ME3: variants seen among roughly 807,000 people sequenced by gnomAD.
ME3 encodes the protein malic enzyme 3.
Under a neutral mutation model 68.9 loss-of-function variants are expected in ME3, and 48 were observed. The observed-to-expected ratio is 0.70, with a 90% CI of 0.55 to 0.89. ME3 has a LOEUF of 0.89. Ranked by LOEUF, ME3 falls within the 40% of genes least tolerant of loss-of-function variation. The pLI is 0.00. For synonymous variants in ME3, 320 were observed against 318.8 expected, an observed-to-expected ratio of 1.00 and a Z score of -0.04; for missense variants, 675 against 797.4, an observed-to-expected ratio of 0.85 and a Z score of 1.85.
chr11:86,464,264 T>C (rs1430637158), intron 8 of ME3: 3 of 335,282 alleles, frequency 8.9e-6, no homozygotes, highest in East Asian at 1.7e-4. Context: ...TAAAGCATCA[T>C]CAAGGTTTCT....
At chr11:86,607,456 T>TG (rs577494057) in intron 2 of ME3, among the ~76,000 whole-genome samples, 1 of 81,180 alleles carries the variant, frequency 1.2e-5, no homozygotes, top group Non-Finnish European at 2.6e-5. Context: ...GGCATAGTTT[T>TG]TTTTTTTTTT....
intron 2 of ME3, among the ~76,000 whole-genome samples, chr11:86,595,548 C>G (rs987229721): frequency 6.6e-6 from 1 of 152,098 alleles, no homozygotes; most frequent in Admixed American, 6.5e-5. Flanking sequence ...ACAATCAGAT[C>G]GAGTAAGCGC....
chr11:86,515,277 C>T (rs1953811864), intron 4 of ME3, among the ~76,000 whole-genome samples: 2 of 152,156 alleles, frequency 1.3e-5, no homozygotes, highest in South Asian at 2.1e-4. Context: ...TTTTGAGTAT[C>T]TCTGTTCCAG....
chr11:86,636,082 G>A (rs1388250659), intron 2 of ME3, among the ~76,000 whole-genome samples: 18 of 152,320 alleles, frequency 1.2e-4, no homozygotes, highest in Middle Eastern at 3.4e-3. Context: ...GTCCTAGAAA[G>A]AAACCTGGGT....
chr11:86,577,834 T>TG (rs1347780771), intron 2 of ME3, among the ~76,000 whole-genome samples: 1 of 152,210 alleles, frequency 6.6e-6, no homozygotes, highest in Non-Finnish European at 1.5e-5. Flanking sequence ...CTAGACAGGC[T>TG]GGTTTTATTA....
At chr11:86,648,186 A>C (rs961066732) in intron 2 of ME3, among the ~76,000 whole-genome samples, 1 of 152,236 alleles carries the variant, frequency 6.6e-6, no homozygotes, top group Non-Finnish European at 1.5e-5. Flanking sequence ...CTAAGGCAGA[A>C]ATCAAGAAGT....
intron 10 of ME3, 108 bp downstream of exon 10, chr11:86,449,781 T>A: frequency 1.3e-6 from 1 of 755,374 alleles, no homozygotes; most frequent in Non-Finnish European, 2.2e-6. Flanking sequence ...TGCCCTCATT[T>A]TGCTCTCTAT....
Position 86,465,898 on chromosome 11 carries a change from G to T in ME3, c.810-698C>A, listed in dbSNP as rs866988306. ...GAGTCTCACTCGGAGTGTGGGATGG[G>T]GTCAGGAACCTGCATTTTGAACAAG... On this transcript the variant is annotated intron_variant, in intron 7 of 14. Transcript: ENST00000543262. Among the ~76,000 whole-genome samples the T allele has an allele frequency of 3.3e-5, 5 of 152,236 alleles. No homozygotes were observed. The Middle Eastern group carries it at 0.014, about 414-fold the overall frequency.
rs567031869 is a variant in ME3, at chr11:86,517,190, C to G, written c.468-8323G>C. Among the ~76,000 whole-genome samples, 8 of 152,230 alleles carry G rather than the reference C, an allele frequency of 5.3e-5. No individual in the cohort carries two copies. In the South Asian group the frequency reaches 1.5e-3, roughly 28 times the overall value. On this transcript the variant is annotated intron_variant, in intron 4 of 14. Transcript: ENST00000543262. ...CATGATTTGTTGAAATAAAGCACAG[C>G]CCGGTGACCTGCTTTGGCCAATAAA...
At chr11:86,609,810 T>C (rs931470808) in intron 2 of ME3, among the ~76,000 whole-genome samples, 1 of 152,216 alleles carries the variant, frequency 6.6e-6, no homozygotes, top group Non-Finnish European at 1.5e-5. Flanking sequence ...ACTGATGTGA[T>C]GGAATGCTAA....
At chr11:86,498,254 C>G in intron 5 of ME3, 130 bp from the exon 6 acceptor site, 1 of 1,108,124 alleles carries the variant, frequency 9.0e-7, no homozygotes, top group Non-Finnish European at 1.3e-6. Context: ...AAGAGCTTGT[C>G]TGGGATAAGG....
Position 86,598,726 on chromosome 11 carries a change from G to A in ME3, c.184-38903C>T, listed in dbSNP as rs536608417. Among the ~76,000 whole-genome samples, 38 of 152,166 alleles carry A rather than the reference G, an allele frequency of 2.5e-4. No individual in the cohort carries two copies. In the South Asian group the frequency reaches 2.9e-3, roughly 12 times the overall value. The stretch of plus-strand genomic sequence containing the variant: ...CAGTAGGGGCAGACTAACACCTCAC[G>A]CGGCCAGGTACTCCTCTGAGACAAA... On this transcript the variant is annotated intron_variant, in intron 2 of 14. Coordinates refer to ENST00000543262, the Ensembl canonical transcript of ME3.
At chr11:86,474,154 T>A (rs1244351624) in intron 7 of ME3, among the ~76,000 whole-genome samples, 1 of 152,130 alleles carries the variant, frequency 6.6e-6, no homozygotes, top group Non-Finnish European at 1.5e-5. Flanking sequence ...GGAGATTCCC[T>A]GGTGTGCTGG....
At chr11:86,487,588 G>A in intron 6 of ME3, 148 bp from the exon 7 acceptor site, 1 of 646,456 alleles carries the variant, frequency 1.5e-6, no homozygotes, top group Non-Finnish European at 2.7e-6. Context: ...CCGCCCAGGT[G>A]TCATTTCTGA....
intron 2 of ME3, among the ~76,000 whole-genome samples, chr11:86,648,143 T>A (rs890342822): frequency 6.6e-6 from 1 of 152,250 alleles, no homozygotes. Flanking sequence ...CTGAGCAACG[T>A]ACTCCTGAAT....
At chr11:86,438,439 T>C (rs1948909340), downstream of ME3, among the ~76,000 whole-genome samples, 1 of 152,194 alleles carries the variant, frequency 6.6e-6, no homozygotes, top group Admixed American at 6.5e-5. Context: ...TGGCCTGTAC[T>C]TTTCTTGTGA....
chr11:86,452,360 G>A (rs2032355), intron 8 of ME3, among the ~76,000 whole-genome samples: 1,835 of 152,310 alleles, frequency 0.012, 96 homozygotes, highest in East Asian at 0.098. Flanking sequence ...TAATCAAAGG[G>A]ACAGTGAGGA....
intron 4 of ME3, among the ~76,000 whole-genome samples, chr11:86,522,711 CATTCTT>C (rs1266315710): frequency 6.6e-6 from 1 of 152,126 alleles, no homozygotes; most frequent in Non-Finnish European, 1.5e-5. Flanking sequence ...GACACAATCT[CATTCTT>C]TTTTATGGCT....
intron 4 of ME3, among the ~76,000 whole-genome samples, chr11:86,520,333 G>A (rs565034130): frequency 1.3e-5 from 2 of 152,204 alleles, no homozygotes; most frequent in Non-Finnish European, 2.9e-5. Context: ...GCCCTGTACT[G>A]ATTTCATGCA....
Sources: gnomAD v4.1 joint callset for allele counts (sites outside exome capture counted in the v4.1 genomes callset) on GRCh38, gnomAD v4.1.1 for gene constraint, MANE v1.5 for transcripts, NCBI Gene and HGNC (gene_info 2026-07-23, HGNC 2026-07-21) for gene names.